FAM3B: variants seen among roughly 807,000 people sequenced by gnomAD.
FAM3B encodes the protein protein FAM3B.
FAM3B carries 29 observed loss-of-function variants against 28.4 expected under a neutral mutation model. The ratio of observed to expected loss-of-function variants is 1.02; its 90% CI spans 0.76 to 1.39. The LOEUF is 1.39. Among genes scored for constraint, FAM3B ranks in the 40% most tolerant of loss-of-function variants. The pLI, the probability that FAM3B is intolerant of heterozygous loss-of-function variation, is 0.00. For synonymous variants in FAM3B, 91 were observed against 103.0 expected (o/e 0.88, Z 0.71); for missense variants, 266 against 293.9 (o/e 0.91, Z 0.69).
chr21:41,322,924 C>G lies in FAM3B; in HGVS notation c.21C>G (p.Gly7=). 2 of 1,614,066 alleles carry G rather than the reference C, an allele frequency of 1.2e-6. No individual in the cohort carries two copies. Among genetic ancestry groups the G allele is most frequent in the East Asian group, 2.2e-5 (1 of 44,878 alleles). MRPLAG[G]LLKVVFVVFA... Reference sequence around the variant, plus strand: ...AGCTGCTTGGTGTCCTCTCTGCAGGCCTGCTCAAGGTGGTGTTCGTGGTCT... The same window carrying G: ...AGCTGCTTGGTGTCCTCTCTGCAGGGCTGCTCAAGGTGGTGTTCGTGGTCT... Residue 7 remains glycine, a splice_region_variant and synonymous_variant, in exon 2 of 8, where the codon GGC becomes GGG. Coordinates refer to ENST00000357985, the MANE Select transcript of FAM3B (RefSeq NM_058186.4).
intron 5 of FAM3B, among the ~76,000 whole-genome samples, 154 bp from the exon 6 acceptor site, chr21:41,346,859 G>A (rs958991328): frequency 6.6e-5 from 10 of 152,162 alleles, no homozygotes; most frequent in Admixed American, 3.9e-4. Flanking sequence ...CACGTCCAGA[G>A]CTAGCACACC....
chr21:41,354,303 A>G (rs1046699416), intron 7 of FAM3B, among the ~76,000 whole-genome samples: 3 of 152,266 alleles, frequency 2.0e-5, no homozygotes, highest in Non-Finnish European at 2.9e-5. Flanking sequence ...CTAACAAATT[A>G]TATTTGTTAT....
At chr21:41,314,592 T>C (rs1245849498), upstream of FAM3B, among the ~76,000 whole-genome samples, 1 of 152,214 alleles carries the variant, frequency 6.6e-6, no homozygotes, top group Non-Finnish European at 1.5e-5. Context: ...TAAGGAAATA[T>C]GATGCACAAC....
At chr21:41,336,305 T>C (rs2145815554) in intron 2 of FAM3B, among the ~76,000 whole-genome samples, 1 of 152,322 alleles carries the variant, frequency 6.6e-6, no homozygotes, top group Non-Finnish European at 1.5e-5. Flanking sequence ...GTGGATCACC[T>C]GAGGTCAAGA....
At chr21:41,313,923 G>C (rs1056037643), upstream of FAM3B, among the ~76,000 whole-genome samples, 2 of 152,202 alleles carry the variant, frequency 1.3e-5, no homozygotes, top group Non-Finnish European at 2.9e-5. Flanking sequence ...ATCACATGTG[G>C]ATACTGTGGA....
intron 7 of FAM3B, among the ~76,000 whole-genome samples, chr21:41,356,747 T>C (rs2089171259): frequency 6.6e-6 from 1 of 152,180 alleles, no homozygotes; most frequent in African/African-American, 2.4e-5. Flanking sequence ...GTTCAATAGA[T>C]CATTAGAGCA....
Position 41,316,886 on chromosome 21 carries a change from C to A in FAM3B, c.7C>A (p.Pro3Thr), listed in dbSNP as rs766163763. The part of the protein sequence containing the change: MR[P>T]LAGGLLKVVF... The stretch of plus-strand genomic sequence containing the variant: ...GGGGAGCGGCACCTGGAAGATGCGC[C>A]CATTGGCTGGTGGTGAGTGCGCCCC... Residue 3 changes from proline (P) to threonine (T), a missense_variant, in exon 1 of 8, where the codon CCA becomes ACA. By Grantham distance (38) the Pro-to-Thr change is conservative. Coordinates refer to ENST00000357985, the MANE Select transcript of FAM3B (RefSeq NM_058186.4). 9.3e-6 allele frequency: 13 copies of A among 1,403,606 alleles called. No individual in the cohort carries two copies. The South Asian group carries it at 1.7e-4, about 19-fold the overall frequency. 86.9% of individuals were successfully genotyped at this position (1,403,606 alleles called of 1,614,324 possible). A position where few individuals can be genotyped will look rare whatever the true frequency, so the allele number is the denominator to read the frequency against.
chr21:41,311,269 T>TATATAC (rs2088712108), intron 1 of FAM3B, among the ~76,000 whole-genome samples: 1 of 56,062 alleles, frequency 1.8e-5, no homozygotes, highest in African/African-American at 8.9e-5. Flanking sequence ...TATATATATA[T>TATATAC]ATATATATAT....
At chr21:41,334,426 A>C (rs2145813213) in intron 2 of FAM3B, among the ~76,000 whole-genome samples, 1 of 152,310 alleles carries the variant, frequency 6.6e-6, no homozygotes, top group African/African-American at 2.4e-5. Flanking sequence ...CAGCTTCTAG[A>C]CACTGTTCCC....
intron 4 of FAM3B, among the ~76,000 whole-genome samples, chr21:41,345,130 G>A (rs1188487588): frequency 6.6e-6 from 1 of 152,224 alleles, no homozygotes; most frequent in African/African-American, 2.4e-5. Context: ...CCCTGAAGGA[G>A]GCTGTAAAGT....
intron 1 of FAM3B, among the ~76,000 whole-genome samples, chr21:41,321,883 G>A (rs1204328374): frequency 1.3e-5 from 2 of 152,154 alleles, no homozygotes; most frequent in Non-Finnish European, 2.9e-5. Flanking sequence ...CTTCAGACTT[G>A]ACATTCCCTT....
chr21:41,349,646 G>A (rs116133901), intron 7 of FAM3B, among the ~76,000 whole-genome samples: 2,011 of 152,264 alleles, frequency 0.013, 46 homozygotes, highest in African/African-American at 0.046. Context: ...GAAGCAGCTC[G>A]GCATCTTCTT....
At chr21:41,309,723 A>G (rs1041413522) in intron 1 of FAM3B, among the ~76,000 whole-genome samples, 3 of 152,242 alleles carry the variant, frequency 2.0e-5, no homozygotes, top group Non-Finnish European at 4.4e-5. Flanking sequence ...GGCAGAACCA[A>G]CAAGACCAGT....
At chr21:41,342,102 T>C (rs977326016) in intron 3 of FAM3B, among the ~76,000 whole-genome samples, 3 of 152,238 alleles carry the variant, frequency 2.0e-5, no homozygotes, top group Non-Finnish European at 4.4e-5. Context: ...TCATCTTTGT[T>C]CCTGAAAAAT....
At chr21:41,321,277 G>A (rs1480872885) in intron 1 of FAM3B, among the ~76,000 whole-genome samples, 1 of 152,218 alleles carries the variant, frequency 6.6e-6, no homozygotes, top group Non-Finnish European at 1.5e-5. Context: ...ATGCTGGGTG[G>A]CCCTGGAGGG....
chr21:41,348,857 A>G, intron 7 of FAM3B, 133 bp downstream of exon 7: 1 of 976,860 alleles, frequency 1.0e-6, no homozygotes, highest in South Asian at 1.6e-5. Context: ...TGAGATCAGC[A>G]TTAGATCCGG....
intron 1 of FAM3B, among the ~76,000 whole-genome samples, chr21:41,309,520 A>C (rs570397123): frequency 6.6e-6 from 1 of 152,360 alleles, no homozygotes; most frequent in East Asian, 1.9e-4. Flanking sequence ...ACACATCCCC[A>C]GTCACAGTTG....
upstream of FAM3B, among the ~76,000 whole-genome samples, chr21:41,312,523 A>G (rs372509785): frequency 5.3e-5 from 8 of 152,212 alleles, no homozygotes; most frequent in East Asian, 5.8e-4. Context: ...GCTGGGCTGT[A>G]GTATAAATTG....
At chr21:41,323,239 C>A (rs531023076) in intron 2 of FAM3B, among the ~76,000 whole-genome samples, 173 bp downstream of exon 2, 2 of 152,184 alleles carry the variant, frequency 1.3e-5, no homozygotes, top group African/African-American at 4.8e-5. Context: ...TTCCAAGGCA[C>A]GTGCCGCTGC....
Sources: allele counts gnomAD v4.1 joint callset (sites outside exome capture counted in the v4.1 genomes callset), GRCh38; gene constraint gnomAD v4.1.1; transcripts MANE v1.5; gene names NCBI Gene and HGNC (gene_info 2026-07-23, HGNC 2026-07-21).